Variants in CCNJ observed in about 807,000 individuals in gnomAD.
CCNJ encodes the protein cyclin-J.
Under a neutral mutation model 41.4 loss-of-function variants are expected in CCNJ, and 12 were observed. That is an observed-to-expected ratio of 0.29 (90% CI 0.19 to 0.47). The LOEUF (loss-of-function observed/expected upper bound fraction) is 0.47, where lower values mean the gene tolerates loss of function less well. Among genes scored for constraint, CCNJ ranks in the 20% least tolerant of loss-of-function variants. CCNJ has a pLI of 1.00. For synonymous variants in CCNJ, 161 were observed against 173.4 expected (o/e 0.93, Z 0.56); for missense variants, 340 against 464.6 (o/e 0.73, Z 2.47).
chr10:96,052,729 A>T (rs994742928), intron 3 of CCNJ, among the ~76,000 whole-genome samples: 5 of 152,202 alleles, frequency 3.3e-5, no homozygotes, highest in Non-Finnish European at 5.9e-5. Context: ...ATCACCTATT[A>T]CTGAAAGAAC....
rs187946027 is a variant in CCNJ, at chr10:96,046,053, A to G, written c.69+1591A>G. Among the ~76,000 whole-genome samples, 22 of 152,122 alleles carry G rather than the reference A, an allele frequency of 1.4e-4. 1 individual carries two copies. In the East Asian group the frequency reaches 4.3e-3, roughly 29 times the overall value. On this transcript the variant is annotated intron_variant, in intron 2 of 5. Transcript: ENST00000465148. ...CGTGAGTGATTATCTGCATTTTGTC[A>G]ATTGAGTTTGGACATGGGTTCTTTG...
At chr10:96,043,509 G>A (rs2080269687), upstream of CCNJ, 1 of 391,984 alleles carries the variant, frequency 2.6e-6, no homozygotes, top group South Asian at 1.3e-4. Context: ...TGTATCGCGA[G>A]ACGAGATTGG....
intron 2 of CCNJ, among the ~76,000 whole-genome samples, chr10:96,047,327 C>A (rs941357189): frequency 6.6e-6 from 1 of 152,080 alleles, no homozygotes; most frequent in Non-Finnish European, 1.5e-5. Flanking sequence ...CATGAGAAAT[C>A]GGCATCTTCC....
Position 96,057,956 on chromosome 10 carries a change from G to C in CCNJ, c.867G>C (p.Gln289His). The C allele has an allele frequency of 6.2e-7, 1 of 1,614,170 alleles. No individual in the cohort carries two copies. The highest frequency in any genetic ancestry group is 1.1e-5 in the South Asian group (1 of 91,084). Residue 289 changes from glutamine (Q) to histidine (H), a missense_variant, in exon 6 of 6, where the codon CAG becomes CAC. Around this residue, in one of 3 missense-constraint regions of CCNJ, gnomAD observed 159 missense variants for 168.2 expected, o/e 0.95. Coordinates refer to ENST00000465148, the MANE Select transcript of CCNJ (RefSeq NM_001134375.2). ...PSRPVHFQQP[Q>H]YLHQTHQTSL... ...GGCCAGTTCACTTTCAGCAACCTCA[G>C]TATCTCCATCAGACACATCAGACCT...
chr10:96,044,775 G>A (rs1175424982), intron 2 of CCNJ, among the ~76,000 whole-genome samples: 1 of 152,174 alleles, frequency 6.6e-6, no homozygotes, highest in African/African-American at 2.4e-5. Flanking sequence ...TTTTTGTTGG[G>A]CAGAACAGCC....
rs768405802 is a variant in CCNJ, at chr10:96,044,376, G to GGCGC, written c.-15_-12dup. 1.0e-4 allele frequency: 151 copies of GGCGC among 1,515,652 alleles called. No homozygotes were observed. The highest frequency in any genetic ancestry group is 1.2e-4 in the Non-Finnish European group (140 of 1,124,706). 93.9% of individuals were successfully genotyped at this position (1,515,652 alleles called of 1,614,324 possible). The stretch of plus-strand genomic sequence containing the variant: ...AGACTCGAGTTGCCGCGTCGGGCTG[G>GGCGC]GCGCGCCGCCGGGTCCCATGGAGCT... On this transcript the variant is annotated 5_prime_UTR_variant, in exon 2 of 6. Coordinates refer to ENST00000465148, the MANE Select transcript of CCNJ (RefSeq NM_001134375.2).
rs1343708994 is a variant in CCNJ at position 96,050,473 on chromosome 10, A to G, written c.280+7A>G. On this transcript the variant is annotated splice_region_variant and intron_variant, in intron 3 of 5. Coordinates refer to ENST00000465148, the MANE Select transcript of CCNJ (RefSeq NM_001134375.2). ...TCCTGCCTGCTTCTAGCAAGTAAGT[A>G]TGAATCTGATTTACATGACTGGAAA... 3.1e-6 allele frequency: 5 copies of G among 1,601,394 alleles called. No homozygotes were observed. The highest frequency in any genetic ancestry group is 4.3e-6 in the Non-Finnish European group (5 of 1,168,454).
intron 2 of CCNJ, among the ~76,000 whole-genome samples, chr10:96,045,343 T>C (rs976946643): frequency 1.3e-5 from 2 of 152,114 alleles, no homozygotes; most frequent in African/African-American, 4.8e-5. Context: ...ATGTAGAAAA[T>C]TGAGAAAGAA....
At chr10:96,050,547 TATC>T (rs1206809483) in intron 3 of CCNJ, 81 bp downstream of exon 3, 4 of 1,007,770 alleles carry the variant, frequency 4.0e-6, no homozygotes, top group South Asian at 1.5e-5. Flanking sequence ...CTCAGTGAAA[TATC>T]ATCAAATCCC....
intron 3 of CCNJ, among the ~76,000 whole-genome samples, chr10:96,051,261 C>CTATA (rs889644990): frequency 6.6e-6 from 1 of 152,194 alleles, no homozygotes; most frequent in Non-Finnish European, 1.5e-5. Context: ...TTACATCTTC[C>CTATA]TATACCTCAT....
chr10:96,057,915 G>A lies in CCNJ; in HGVS notation c.826G>A (p.Ala276Thr). 1 of 1,614,176 alleles carries A rather than the reference G, an allele frequency of 6.2e-7. No homozygotes were observed. The highest frequency in any genetic ancestry group is 8.5e-7 in the Non-Finnish European group (1 of 1,180,016). ...QSAQLSVFQT[A>T]SQPSRPVHFQ... is the part of the protein sequence containing the mutation. ...AGCGCAACTAAGTGTATTCCAGACA[G>A]CCTCCCAGCCATCACGGCCAGTTCA... Residue 276 changes from alanine (A) to threonine (T), a missense_variant, in exon 6 of 6, where the codon GCC becomes ACC. Physicochemically the swap from Ala to Thr is moderately conservative, Grantham distance 58. Around this residue, in one of 3 missense-constraint regions of CCNJ, gnomAD observed 159 missense variants for 168.2 expected, o/e 0.95. Transcript: ENST00000465148.
In CCNJ at chr10:96,043,588, T is replaced by C. The variant is rs1437911855; in HGVS notation, c.-173T>C. ...GAGCCGCCTGCCGGTCCTTTAACAA[T>C]GGGCGGCGCGAGCGTCCAGGCGCTG... is the stretch of plus-strand genomic sequence containing the variant. On this transcript the variant is annotated 5_prime_UTR_variant, in exon 1 of 6. An upstream start codon of the reference 5' UTR is lost. Transcript: ENST00000465148. 2.5e-6 allele frequency: 1 copy of C among 394,880 alleles called. No individual in the cohort carries two copies. 24.5% of individuals were successfully genotyped at this position (394,880 alleles called of 1,614,324 possible). A position where few individuals can be genotyped will look rare whatever the true frequency, so the allele number is the denominator to read the frequency against.
chr10:96,043,751 G>A (rs1258561688), intron 1 of CCNJ, 32 bp downstream of exon 1: 2 of 388,592 alleles, frequency 5.1e-6, no homozygotes, highest in Non-Finnish European at 9.1e-6. Context: ...CGGGCGGCCC[G>A]GCAGGCCTGG....
In CCNJ at chr10:96,044,264, C is replaced by A; in HGVS notation, c.-41-89C>A. ...GTCAAGTGAAGATGAGCAGCCACACCGGGTGGCCTGAGGTCACACCCCCCG... is the reference window on the plus strand; with the variant it reads ...GTCAAGTGAAGATGAGCAGCCACACAGGGTGGCCTGAGGTCACACCCCCCG... On this transcript the variant is annotated intron_variant, in intron 1 of 5. Transcript: ENST00000465148. 1.2e-5 allele frequency: 7 copies of A among 564,330 alleles called. No homozygotes were observed. In the South Asian group the frequency reaches 2.9e-4, roughly 23 times the overall value. The allele number at this position is 564,330 out of a possible 1,614,324, so 35.0% of individuals were successfully genotyped here.
In CCNJ at chr10:96,056,697, T is replaced by C. The variant is rs777078106; in HGVS notation, c.281-4T>C. The C allele has an allele frequency of 1.9e-6, 3 of 1,576,524 alleles. No individual in the cohort carries two copies. Among genetic ancestry groups the C allele is most frequent in the Admixed American group, 1.9e-5 (1 of 53,978 alleles). ...TCTCCCCTCCCATCCCCTTTTCTTA[T>C]AAGGTAAATTTGAAGAAAAAGAAGA... On this transcript the variant is annotated splice_polypyrimidine_tract_variant and splice_region_variant and intron_variant, in intron 3 of 5. Coordinates refer to ENST00000465148, the MANE Select transcript of CCNJ (RefSeq NM_001134375.2).
chr10:96,059,266 G>A lies in CCNJ; in HGVS notation c.*1025G>A, dbSNP rs570317759. 1 of 152,692 alleles carries A rather than the reference G, an allele frequency of 6.5e-6. No homozygotes were observed. Among genetic ancestry groups the A allele is most frequent in the East Asian group, 1.9e-4 (1 of 5,204 alleles). The allele number at this position is 152,692 out of a possible 1,614,324, so 9.5% of individuals were successfully genotyped here. A position where few individuals can be genotyped will look rare whatever the true frequency, so the allele number is the denominator to read the frequency against. On this transcript the variant is annotated 3_prime_UTR_variant, in exon 6 of 6. Transcript: ENST00000465148. ...AGTCCTGTAGGTTTATTTTGGAAGG[G>A]ACTGTGGCCAGGGTAGTTCTCAGGT...
At chr10:96,057,366 A>G in intron 5 of CCNJ, 119 bp downstream of exon 5, 1 of 825,416 alleles carries the variant, frequency 1.2e-6, no homozygotes, top group Non-Finnish European at 2.0e-6. Flanking sequence ...TTTTGGCAGC[A>G]GTTACTTGCT....
intron 2 of CCNJ, among the ~76,000 whole-genome samples, chr10:96,045,850 T>TG (rs1373501750): frequency 1.3e-5 from 2 of 152,174 alleles, no homozygotes; most frequent in Non-Finnish European, 2.9e-5. Context: ...TTTTTTGAGT[T>TG]GGAGTTTCAC....
chr10:96,058,205 ACATTACCCTTGTATTACTC>A lies in CCNJ; in HGVS notation c.1120_1138del (p.Tyr374ValfsTer8). The A allele has an allele frequency of 6.2e-7, 1 of 1,614,106 alleles. No individual in the cohort carries two copies. The highest frequency in any genetic ancestry group is 8.5e-7 in the Non-Finnish European group (1 of 1,179,978). ...ACAACCGGAGTTATCAGATAAATGA[ACATTACCCTTGTATTACTC>A]CATGTTTTGAAAGGTGATTATTTGT... On this transcript the variant is annotated frameshift_variant, in exon 6 of 6. Coordinates refer to ENST00000465148, the MANE Select transcript of CCNJ (RefSeq NM_001134375.2). LOFTEE classifies it high-confidence loss of function.
Sources: gnomAD v4.1 joint callset for allele counts (sites outside exome capture counted in the v4.1 genomes callset) on GRCh38, gnomAD v4.1.1 for gene constraint, gnomAD v4.1.1 regional missense constraint, MANE v1.5 for transcripts, NCBI Gene and HGNC (gene_info 2026-07-23, HGNC 2026-07-21) for gene names.